Variants in ZNF232 observed in about 807,000 individuals in gnomAD.
ZNF232 encodes the protein zinc finger protein 232, also known as zinc finger and SCAN domain-containing protein 11.
In ZNF232, 25 loss-of-function variants were observed where a neutral mutation model predicts 25.2. That is an observed-to-expected ratio of 0.99 (90% confidence interval 0.72 to 1.39). The LOEUF (loss-of-function observed/expected upper bound fraction) is 1.39. ZNF232 is among the 40% of genes most tolerant of loss of function. The pLI, the probability that ZNF232 is intolerant of heterozygous loss-of-function variation, is 0.00. For missense variants in ZNF232, 519 were observed against 520.9 expected (o/e 1.00, Z 0.04); for synonymous variants, 193 against 182.9 (o/e 1.06, Z -0.45).
At chr17:5,115,992 A>C (rs1288464151), upstream of ZNF232, among the ~76,000 whole-genome samples, 1 of 152,188 alleles carries the variant, frequency 6.6e-6, no homozygotes, top group Non-Finnish European at 1.5e-5. Flanking sequence ...GTAGGGCTGG[A>C]CGGCACAAAG....
At chr17:5,122,410 CTG>C (rs2072706924) in intron 1 of ZNF232, among the ~76,000 whole-genome samples, 1 of 152,216 alleles carries the variant, frequency 6.6e-6, no homozygotes, top group South Asian at 2.1e-4. Context: ...AGGCCTTCAG[CTG>C]GCAGTATCCT....
chr17:5,113,748 C>T (rs1227764455), upstream of ZNF232: 5 of 152,140 alleles, frequency 3.3e-5, no homozygotes, highest in Non-Finnish European at 7.3e-5. Context: ...GGATATCATA[C>T]CCATTTTACT....
At chr17:5,106,569 G>A in intron 3 of ZNF232, 36 bp from the exon 4 acceptor site, 1 of 1,508,020 alleles carries the variant, frequency 6.6e-7, no homozygotes, top group Non-Finnish European at 9.0e-7. Context: ...AGATTAAAAT[G>A]TATATTTCTG....
chr17:5,121,662 C>A, intron 1 of ZNF232: 1 of 159,798 alleles, frequency 6.3e-6, no homozygotes, highest in South Asian at 1.7e-4. Flanking sequence ...GCACCAGGAC[C>A]ATGAGCACCA....
chr17:5,111,933 G>T, upstream of ZNF232: 1 of 1,464,198 alleles, frequency 6.8e-7, no homozygotes, highest in Non-Finnish European at 9.1e-7. Context: ...CTCGCCGCCG[G>T]CTTCCGTTCG....
rs200494611 is a variant in ZNF232, at chr17:5,109,813, T to C, written c.79A>G (p.Arg27Gly). Residue 27 changes from arginine to glycine, a missense_variant, in exon 2 of 4, where the codon AGG becomes GGG. Physicochemically the swap from Arg to Gly is moderately radical, Grantham distance 125. Transcript: ENST00000575898. ...GCTGCTGTTAGTGATACAGCCATCC[T>C]AGTCTGCACTAGCTCTGCAGAAGGC... 9.9e-6 allele frequency: 16 copies of C among 1,614,180 alleles called. No individual in the cohort carries two copies. In the East Asian group the frequency reaches 3.3e-4, roughly 34 times the overall value.
At position 5,111,786 on chromosome 17, in the gene ZNF232, C is replaced by G. The variant is rs771540726; in HGVS notation, c.23+14G>C. The G allele has an allele frequency of 7.4e-6, 12 of 1,613,702 alleles. 1 individual carries two copies. The South Asian group carries it at 1.3e-4, about 18-fold the overall frequency. On this transcript the variant is annotated intron_variant, in intron 1 of 3. Coordinates refer to ENST00000575898, the Ensembl canonical transcript of ZNF232. Reference sequence around the variant, plus strand: ...CGCCAGGTGGACCTCGGGGAAGCCGCCGCCAACACTCACCTCACAGGACCA... The same window carrying G: ...CGCCAGGTGGACCTCGGGGAAGCCGGCGCCAACACTCACCTCACAGGACCA...
chr17:5,110,345 T>C (rs1432897844), intron 1 of ZNF232, among the ~76,000 whole-genome samples: 1 of 152,134 alleles, frequency 6.6e-6, no homozygotes, highest in Non-Finnish European at 1.5e-5. Flanking sequence ...TGCACCGTGG[T>C]AGAAACGGGG....
At chr17:5,122,675 CG>C (rs554682320) in intron 1 of ZNF232, among the ~76,000 whole-genome samples, 62 of 152,298 alleles carry the variant, frequency 4.1e-4, no homozygotes, top group African/African-American at 1.4e-3. Context: ...CCGCCCTTCC[CG>C]GGAACAAAAG....
At chr17:5,116,904 G>C (rs562152015) in intron 1 of ZNF232, among the ~76,000 whole-genome samples, 1 of 152,306 alleles carries the variant, frequency 6.6e-6, no homozygotes, top group Admixed American at 6.5e-5. Context: ...AGCTAGGTAC[G>C]GAGGGAGCAA....
rs755813325 is a variant in ZNF232, at chr17:5,111,828, C to T, written c.-6G>A. 1.7e-5 allele frequency: 27 copies of T among 1,613,832 alleles called. No homozygotes were observed. The South Asian group carries it at 2.7e-4, about 16-fold the overall frequency. ...ACAGGACCAGGAGGTTCCATCGGGG[C>T]GCTGCCGCGAATCGCGCCACTTACA... On this transcript the variant is annotated 5_prime_UTR_variant, in exon 1 of 4. Transcript: ENST00000575898.
In ZNF232 at chr17:5,107,035, TC is replaced by T. The variant is rs199628777; in HGVS notation, c.626-530del. On this transcript the variant is annotated intron_variant, in intron 3 of 3. Transcript: ENST00000575898. ...TGCCTCCTTTATCAAAGGGAGGACT[TC>T]CAGCTCCCTGCCTCCTATCTGCTTG... Among the ~76,000 whole-genome samples, 1,359 of 152,048 alleles carry T rather than the reference TC, an allele frequency of 8.9e-3. 19 individuals carry two copies. The highest frequency in any genetic ancestry group is 0.031 in the African/African-American group (1,302 of 41,476).
rs778307132 is a variant in ZNF232, at chr17:5,105,800, T to C, written c.*24A>G. 1.9e-6 allele frequency: 3 copies of C among 1,539,536 alleles called. No homozygotes were observed. In the African/African-American group the frequency reaches 4.1e-5, roughly 21 times the overall value. ...TAGATTAGACCGATGTAGAATTCTG[T>C]CTGGAGACGTTCTCCCCTTCAATTC... is the stretch of plus-strand genomic sequence containing the variant. On this transcript the variant is annotated 3_prime_UTR_variant, in exon 4 of 4. Transcript: ENST00000575898.
chr17:5,122,873 A>C (rs972250665), intron 1 of ZNF232: 4 of 152,274 alleles, frequency 2.6e-5, no homozygotes, highest in Non-Finnish European at 5.9e-5. Context: ...TATGCCAAGG[A>C]AGAACGCGAC....
At chr17:5,108,545 C>T (rs2072317383) in intron 3 of ZNF232, among the ~76,000 whole-genome samples, 1 of 151,182 alleles carries the variant, frequency 6.6e-6, no homozygotes, top group African/African-American at 2.4e-5. Context: ...GATCTCAAGG[C>T]TGGCCTCTAG....
chr17:5,115,577 A>ACACACACAC (rs1567761979), upstream of ZNF232, among the ~76,000 whole-genome samples: 4 of 79,020 alleles, frequency 5.1e-5, no homozygotes, highest in African/African-American at 1.5e-4. Context: ...CACACACACA[A>ACACACACAC]AACCCAAAAC....
At chr17:5,115,555 A>AAC (rs61171102), upstream of ZNF232, among the ~76,000 whole-genome samples, 55,280 of 148,642 alleles carry the variant, frequency 0.37, 12,211 homozygotes, top group Non-Finnish European at 0.51. Context: ...CGTCTCCAAA[A>AAC]ACACACACAC....
chr17:5,111,974 C>T (rs1456720379), upstream of ZNF232: 5 of 1,183,630 alleles, frequency 4.2e-6, no homozygotes, highest in African/African-American at 6.3e-5. Flanking sequence ...TGGGCGCTGC[C>T]GAGAGGCTGG....
At chr17:5,111,879 G>C, upstream of ZNF232, 12 of 1,607,446 alleles carry the variant, frequency 7.5e-6, no homozygotes, top group Non-Finnish European at 1.0e-5. Context: ...GCAGGTTTGC[G>C]CCTGCGCAGG....
Sources: allele counts gnomAD v4.1 joint callset (sites outside exome capture counted in the v4.1 genomes callset), GRCh38; gene constraint gnomAD v4.1.1; transcripts MANE v1.5; gene names NCBI Gene and HGNC (gene_info 2026-07-23, HGNC 2026-07-21).